Variants in SRPK2 observed in about 807,000 individuals in gnomAD.
SRPK2 encodes SRSF protein kinase 2.
SRPK2 carries 21 observed loss-of-function variants against 90.8 expected under a neutral mutation model. That is an observed-to-expected ratio of 0.23 (90% CI 0.16 to 0.33). The LOEUF is 0.33. Among genes scored for constraint, SRPK2 ranks in the 10% least tolerant of loss-of-function variants. The pLI, the probability that SRPK2 is intolerant of heterozygous loss-of-function variation, is 1.00. For missense variants in SRPK2, 620 were observed against 869.0 expected, an observed-to-expected ratio of 0.71 and a Z score of 3.60; for synonymous variants, 288 against 311.1, an observed-to-expected ratio of 0.93 and a Z score of 0.78.
chr7:105,232,375 C>T (rs1239290721), intron 2 of SRPK2, among the ~76,000 whole-genome samples: 2 of 150,756 alleles, frequency 1.3e-5, no homozygotes, highest in East Asian at 3.9e-4. Flanking sequence ...AGGAGAATCG[C>T]TTGAACACGG....
At chr7:105,169,023 C>T in intron 4 of SRPK2, 134 bp downstream of exon 4, 1 of 535,238 alleles carries the variant, frequency 1.9e-6, no homozygotes, top group Non-Finnish European at 3.1e-6. Flanking sequence ...AGGAATCTAG[C>T]CAGCTGAGGC....
At chr7:105,394,353 G>T (rs965861745), upstream of SRPK2, among the ~76,000 whole-genome samples, 118 of 152,172 alleles carry the variant, frequency 7.8e-4, no homozygotes, top group Middle Eastern at 3.4e-3. Context: ...ATATTGGCCA[G>T]GCTGGTCTCA....
At chr7:105,324,432 C>T (rs1813333619) in intron 2 of SRPK2, among the ~76,000 whole-genome samples, 1 of 152,142 alleles carries the variant, frequency 6.6e-6, no homozygotes, top group African/African-American at 2.4e-5. Context: ...AAACAATTCT[C>T]GGCCTCCCTA....
intron 11 of SRPK2, among the ~76,000 whole-genome samples, chr7:105,133,480 A>T (rs1167240978): frequency 2.0e-5 from 3 of 152,030 alleles, no homozygotes; most frequent in Non-Finnish European, 4.4e-5. Context: ...GAGCTTGCTG[A>T]TGCATTATTA....
At chr7:105,239,364 AG>A in intron 2 of SRPK2, among the ~76,000 whole-genome samples, 1 of 152,240 alleles carries the variant, frequency 6.6e-6, no homozygotes. Flanking sequence ...CTATTAAGTC[AG>A]AAAAAAATGT....
At chr7:105,387,510 CT>C (rs77016884) in intron 2 of SRPK2, among the ~76,000 whole-genome samples, 14,977 of 136,926 alleles carry the variant, frequency 0.11, 780 homozygotes, top group Middle Eastern at 0.14. Flanking sequence ...ATGGTTTTTT[CT>C]TTTTTTTTTT....
chr7:105,251,047 A>T (rs1381201611), intron 2 of SRPK2, among the ~76,000 whole-genome samples: 1 of 152,254 alleles, frequency 6.6e-6, no homozygotes, highest in Non-Finnish European at 1.5e-5. Context: ...ATGAGGATGA[A>T]ATGGACACTG....
chr7:105,147,403 C>T (rs866993830), intron 7 of SRPK2, among the ~76,000 whole-genome samples: 1 of 152,114 alleles, frequency 6.6e-6, no homozygotes, highest in Non-Finnish European at 1.5e-5. Flanking sequence ...CTGCAACCTC[C>T]GCCTCCCAGG....
chr7:105,145,489 T>G (rs941653395), intron 8 of SRPK2, among the ~76,000 whole-genome samples, 181 bp from the exon 9 acceptor site: 12 of 152,302 alleles, frequency 7.9e-5, no homozygotes, highest in African/African-American at 2.9e-4. Context: ...CTGAAACAAA[T>G]GAGTGACTCC....
At chr7:105,152,826 G>T (rs1027485556) in intron 7 of SRPK2, among the ~76,000 whole-genome samples, 1 of 152,080 alleles carries the variant, frequency 6.6e-6, no homozygotes, top group African/African-American at 2.4e-5. Context: ...ACAAGGTCAG[G>T]AGATCCAGAC....
upstream of SRPK2, among the ~76,000 whole-genome samples, chr7:105,389,951 T>A (rs1426655382): frequency 6.6e-6 from 1 of 152,020 alleles, no homozygotes. Flanking sequence ...TTTTGAAGAG[T>A]CCTTAACTTT....
intron 2 of SRPK2, among the ~76,000 whole-genome samples, chr7:105,360,355 T>C (rs1233549098): frequency 6.6e-6 from 1 of 152,246 alleles, no homozygotes; most frequent in Non-Finnish European, 1.5e-5. Flanking sequence ...CTGTGTCTTT[T>C]AATTGGGACA....
At chr7:105,255,329 G>C (rs925419621) in intron 2 of SRPK2, among the ~76,000 whole-genome samples, 1 of 151,788 alleles carries the variant, frequency 6.6e-6, no homozygotes, top group Non-Finnish European at 1.5e-5. Flanking sequence ...GTATCTGCGT[G>C]TGCATCTGAC....
intron 2 of SRPK2, among the ~76,000 whole-genome samples, chr7:105,327,537 T>C (rs184929146): frequency 1.3e-5 from 2 of 152,286 alleles, no homozygotes; most frequent in East Asian, 3.9e-4. Flanking sequence ...AGCTTTCCCC[T>C]AGCACCTGAT....
intron 2 of SRPK2, among the ~76,000 whole-genome samples, chr7:105,386,883 T>TATACACA (rs1245455940): frequency 6.6e-6 from 1 of 152,146 alleles, no homozygotes; most frequent in Non-Finnish European, 1.5e-5. Flanking sequence ...TTCTATCACA[T>TATACACA]ATACACAATA....
intron 7 of SRPK2, among the ~76,000 whole-genome samples, chr7:105,147,919 T>C (rs560774667): frequency 6.6e-6 from 1 of 152,190 alleles, no homozygotes; most frequent in African/African-American, 2.4e-5. Context: ...TCATGAACAT[T>C]TGGGTTATTT....
chr7:105,281,917 G>C (rs1421178926), intron 2 of SRPK2, among the ~76,000 whole-genome samples: 2 of 152,076 alleles, frequency 1.3e-5, no homozygotes, highest in Non-Finnish European at 2.9e-5. Flanking sequence ...ATAATCCCCC[G>C]ATAAAAATTC....
chr7:105,308,135 C>T (rs1255512930), intron 2 of SRPK2, among the ~76,000 whole-genome samples: 1 of 152,104 alleles, frequency 6.6e-6, no homozygotes, highest in Non-Finnish European at 1.5e-5. Flanking sequence ...TGCTGCTCTA[C>T]CTGGAGGTCC....
intron 1 of SRPK2, among the ~76,000 whole-genome samples, chr7:105,394,409 G>A (rs551007854): frequency 6.6e-6 from 1 of 151,978 alleles, no homozygotes; most frequent in East Asian, 1.9e-4. Context: ...TCAAAGTGCT[G>A]GGATTACAGG....
Sources: allele counts gnomAD v4.1 joint callset (sites outside exome capture counted in the v4.1 genomes callset), GRCh38; gene constraint gnomAD v4.1.1; transcripts MANE v1.5; gene names NCBI Gene and HGNC (gene_info 2026-07-23, HGNC 2026-07-21).